The following DYNC1I1 variants were observed in gnomAD, a reference collection of about 807,000 sequenced individuals.
DYNC1I1 encodes the protein cytoplasmic dynein 1 intermediate chain 1.
A neutral mutation model predicts 86.6 loss-of-function variants in DYNC1I1; 43 were observed. The ratio of observed to expected loss-of-function variants is 0.50; its 90% confidence interval spans 0.39 to 0.64. The LOEUF (loss-of-function observed/expected upper bound fraction) is 0.64, where lower values mean the gene tolerates loss of function less well. DYNC1I1 is among the 30% of genes least tolerant of loss of function. The pLI is 0.00. For missense variants in DYNC1I1, 604 were observed against 788.8 expected (o/e 0.77, Z 2.81); for synonymous variants, 262 against 283.7 (o/e 0.92, Z 0.77).
intron 4 of DYNC1I1, among the ~76,000 whole-genome samples, chr7:95,822,713 C>A (rs1056757820): frequency 6.6e-6 from 1 of 151,970 alleles, no homozygotes; most frequent in African/African-American, 2.4e-5. Flanking sequence ...AGAAAGTTAG[C>A]CTAAGAAATC....
At chr7:96,007,914 G>T (rs1387127498) in intron 10 of DYNC1I1, among the ~76,000 whole-genome samples, 2 of 152,146 alleles carry the variant, frequency 1.3e-5, no homozygotes, top group Non-Finnish European at 2.9e-5. Context: ...AGCCTGAGGG[G>T]CCACAGTCCA....
chr7:95,783,075 C>T (rs890688099), intron 1 of DYNC1I1, among the ~76,000 whole-genome samples: 7 of 152,142 alleles, frequency 4.6e-5, no homozygotes, highest in African/African-American at 1.4e-4. Context: ...ACAGAAATGC[C>T]TGTTCCCATT....
chr7:95,810,822 GA>G (rs1041274362), intron 3 of DYNC1I1, among the ~76,000 whole-genome samples: 2 of 152,018 alleles, frequency 1.3e-5, no homozygotes, highest in Non-Finnish European at 2.9e-5. Flanking sequence ...AGAAATCTTG[GA>G]ATGTCTTATT....
At chr7:95,843,750 T>C (rs745464308) in intron 5 of DYNC1I1, among the ~76,000 whole-genome samples, 82 of 152,098 alleles carry the variant, frequency 5.4e-4, no homozygotes, top group Non-Finnish European at 1.0e-3. Context: ...AGAAAATAAG[T>C]GCAACTCAAC....
chr7:95,931,176 C>T (rs1186473877), intron 6 of DYNC1I1, among the ~76,000 whole-genome samples: 5 of 150,750 alleles, frequency 3.3e-5, no homozygotes, highest in Non-Finnish European at 5.9e-5. Flanking sequence ...GACAGAGTCT[C>T]ACTTTGTAGC....
chr7:95,813,098 T>C, intron 3 of DYNC1I1, 149 bp from the exon 4 acceptor site: 1 of 1,405,128 alleles, frequency 7.1e-7, no homozygotes, highest in Admixed American at 2.7e-5. Flanking sequence ...CTTTCCTTTT[T>C]TTTTTTTTTC....
At chr7:95,924,637 T>G (rs1791694583) in intron 6 of DYNC1I1, among the ~76,000 whole-genome samples, 1 of 152,308 alleles carries the variant, frequency 6.6e-6, no homozygotes, top group South Asian at 2.1e-4. Context: ...GGTCACTCAT[T>G]AGAACAATTC....
chr7:96,108,345 T>C (rs144214462), intron 16 of DYNC1I1, among the ~76,000 whole-genome samples: 17 of 152,282 alleles, frequency 1.1e-4, no homozygotes, highest in Admixed American at 9.8e-4. Context: ...AAAAAGGATA[T>C]TTCTATCTCT....
chr7:95,973,313 T>C (rs1023911935), intron 6 of DYNC1I1, among the ~76,000 whole-genome samples: 1 of 152,216 alleles, frequency 6.6e-6, no homozygotes, highest in Admixed American at 6.5e-5. Flanking sequence ...AACCAGTCTC[T>C]TGTGTTTTAT....
At position 96,013,485 on chromosome 7, in the gene DYNC1I1, G is replaced by C. The variant is rs896253755; in HGVS notation, c.970-14690G>C. ...TTTGTTTTGTTTTGTTTGAGACAGG[G>C]TCTTACTCTGTCACCCAGGCTGGAG... On this transcript the variant is annotated intron_variant, in intron 10 of 16. Transcript: ENST00000447467. 2.0e-5 allele frequency among the ~76,000 whole-genome samples: 3 copies of C among 152,026 alleles called. No individual in the cohort carries two copies. In the South Asian group the frequency reaches 6.2e-4, roughly 32 times the overall value.
chr7:96,022,055 T>A (rs1315594723), intron 10 of DYNC1I1, among the ~76,000 whole-genome samples: 1 of 152,212 alleles, frequency 6.6e-6, no homozygotes, highest in African/African-American at 2.4e-5. Flanking sequence ...ATGATAATTC[T>A]ATGTTTAACT....
intron 6 of DYNC1I1, among the ~76,000 whole-genome samples, chr7:95,968,483 T>A (rs367609588): frequency 1.3e-5 from 2 of 152,158 alleles, no homozygotes; most frequent in African/African-American, 4.8e-5. Flanking sequence ...TACTCTTTTT[T>A]AAACTAGTTA....
At chr7:95,881,263 G>A (rs1790448285) in intron 6 of DYNC1I1, among the ~76,000 whole-genome samples, 5 of 152,132 alleles carry the variant, frequency 3.3e-5, no homozygotes, top group Admixed American at 3.3e-4. Context: ...AATTCTCTAT[G>A]AATGTGTGTC....
intron 6 of DYNC1I1, among the ~76,000 whole-genome samples, chr7:95,908,901 T>G (rs934531237): frequency 2.6e-5 from 4 of 152,014 alleles, no homozygotes; most frequent in Admixed American, 1.3e-4. Context: ...AGACTACTTT[T>G]AAGACAAAAC....
At chr7:96,003,122 C>T (rs563015068) in intron 10 of DYNC1I1, among the ~76,000 whole-genome samples, 2 of 152,182 alleles carry the variant, frequency 1.3e-5, no homozygotes, top group African/African-American at 2.4e-5. Flanking sequence ...GGATTACAGG[C>T]GTGAGCCATT....
intron 6 of DYNC1I1, among the ~76,000 whole-genome samples, chr7:95,881,119 A>G (rs1368206358): frequency 6.6e-6 from 1 of 152,184 alleles, no homozygotes; most frequent in East Asian, 1.9e-4. Context: ...ATTACACAAG[A>G]AAGAGTAACT....
chr7:95,944,155 A>G (rs186173726), intron 6 of DYNC1I1, among the ~76,000 whole-genome samples: 9 of 152,366 alleles, frequency 5.9e-5, no homozygotes, highest in East Asian at 3.9e-4. Flanking sequence ...CAGCATCTAC[A>G]ATGAACTCAA....
At chr7:95,792,604 G>A (rs1286820916) in intron 1 of DYNC1I1, among the ~76,000 whole-genome samples, 1 of 152,140 alleles carries the variant, frequency 6.6e-6, no homozygotes, top group East Asian at 1.9e-4. Flanking sequence ...AGGTTTAACT[G>A]TTTCTTTGGG....
intron 16 of DYNC1I1, among the ~76,000 whole-genome samples, chr7:96,105,673 G>A (rs1791204772): frequency 6.6e-6 from 1 of 152,252 alleles, no homozygotes; most frequent in East Asian, 1.9e-4. Flanking sequence ...GAGGAGTTGG[G>A]AAGTGTTCTG....
Sources: gnomAD v4.1 joint callset for allele counts (sites outside exome capture counted in the v4.1 genomes callset) on GRCh38, gnomAD v4.1.1 for gene constraint, MANE v1.5 for transcripts, NCBI Gene and HGNC (gene_info 2026-07-23, HGNC 2026-07-21) for gene names.